FOXO1: variants seen among roughly 807,000 people sequenced by gnomAD.
FOXO1 encodes forkhead box protein O1.
A neutral mutation model predicts 44.1 loss-of-function variants in FOXO1; 6 were observed. The observed-to-expected ratio is 0.14, with a 90% confidence interval of 0.07 to 0.27. The LOEUF (loss-of-function observed/expected upper bound fraction) is 0.27, where lower values mean the gene tolerates loss of function less well. FOXO1 is among the 10% of genes least tolerant of loss of function. The pLI, the probability that FOXO1 is intolerant of heterozygous loss-of-function variation, is 1.00. For missense variants in FOXO1, 737 were observed against 888.8 expected (o/e 0.83, Z 2.17); for synonymous variants, 380 against 362.7 (o/e 1.05, Z -0.54).
At chr13:40,662,970 TTA>T (rs1354409358) in intron 1 of FOXO1, among the ~76,000 whole-genome samples, 1 of 152,244 alleles carries the variant, frequency 6.6e-6, no homozygotes, top group Non-Finnish European at 1.5e-5. Flanking sequence ...AAAAGACTAG[TTA>T]TGAGTTAGAA....
Position 40,665,585 on chromosome 13 carries a change from T to C in FOXO1, c.628A>G (p.Lys210Glu). The C allele has an allele frequency of 7.1e-7, 1 of 1,417,218 alleles. No individual in the cohort carries two copies. Among genetic ancestry groups the C allele is most frequent in the Non-Finnish European group, 9.4e-7 (1 of 1,067,838 alleles). The allele number at this position is 1,417,218 out of a possible 1,614,324, so 87.8% of individuals were successfully genotyped here. Reference sequence around the variant, plus strand: ...GGCCGCGCGCCGAGTCCACTCACCTTCCAGCCCGCCGAGCTGTTGCTGTCA... The same window carrying C: ...GGCCGCGCGCCGAGTCCACTCACCTCCCAGCCCGCCGAGCTGTTGCTGTCA... ...KGDSNSSAGW[K>E]NSIRHNLSLH... Residue 210 changes from lysine to glutamate, a missense_variant and splice_region_variant, in exon 1 of 3, where the codon AAG becomes GAG. Lys to Glu is a moderately conservative substitution (Grantham distance 56). This residue lies in a region of FOXO1 where 49 missense variants were observed against 50.2 expected (regional missense o/e 0.98). Transcript: ENST00000379561.
intron 1 of FOXO1, among the ~76,000 whole-genome samples, chr13:40,602,971 T>A (rs183015127): frequency 2.6e-4 from 40 of 152,256 alleles, no homozygotes; most frequent in Admixed American, 5.9e-4. Context: ...GAGTGATGGA[T>A]GGATGGGAAT....
intron 1 of FOXO1, among the ~76,000 whole-genome samples, chr13:40,583,544 TG>T: frequency 6.6e-6 from 1 of 152,364 alleles, no homozygotes; most frequent in East Asian, 1.9e-4. Context: ...GATAACTTGC[TG>T]CTCCTTCACT....
At chr13:40,559,459 C>T (rs562138604) in intron 2 of FOXO1, 50 bp downstream of exon 2, 40 of 1,502,770 alleles carry the variant, frequency 2.7e-5, no homozygotes, top group African/African-American at 2.7e-4. Flanking sequence ...GTGTTCCTCG[C>T]TTTTAAGTTC....
In FOXO1 at chr13:40,628,356, TACAC is replaced by T. The variant is rs34314244; in HGVS notation, c.630+37223_630+37226del. On this transcript the variant is annotated intron_variant, in intron 1 of 2. Coordinates refer to ENST00000379561, the MANE Select transcript of FOXO1 (RefSeq NM_002015.4). ...TCAGCTATTCCTCAAAAGAGCTGTT[TACAC>T]ACACACACACACACACACACACACA... is the stretch of plus-strand genomic sequence containing the variant. Among the ~76,000 whole-genome samples the T allele has an allele frequency of 8.3e-3, 1,204 of 145,272 alleles. 10 individuals are homozygous for T. Among genetic ancestry groups the T allele is most frequent in the African/African-American group, 0.023 (920 of 39,334 alleles).
intron 1 of FOXO1, chr13:40,611,115 TA>T (rs1382031331): frequency 6.7e-6 from 3 of 448,720 alleles, no homozygotes; most frequent in African/African-American, 2.0e-5. Flanking sequence ...ACATAGGCTG[TA>T]AAACTCATCG....
chr13:40,619,718 C>A (rs1156363398), intron 1 of FOXO1: 2 of 1,047,782 alleles, frequency 1.9e-6, no homozygotes, highest in Non-Finnish European at 3.0e-6. Context: ...AAAAATTCAG[C>A]TGAAGGATCT....
chr13:40,617,505 T>C (rs1259189982), intron 1 of FOXO1, among the ~76,000 whole-genome samples: 5 of 150,542 alleles, frequency 3.3e-5, no homozygotes, highest in African/African-American at 9.8e-5. Flanking sequence ...GGGTGGGAAA[T>C]CATATCAGAA....
chr13:40,652,517 C>T (rs1020716879), intron 1 of FOXO1, among the ~76,000 whole-genome samples: 1 of 152,128 alleles, frequency 6.6e-6, no homozygotes, highest in Non-Finnish European at 1.5e-5. Context: ...GGATTACAGG[C>T]GTGAGCCACC....
chr13:40,612,840 C>T (rs1161564178), intron 1 of FOXO1, among the ~76,000 whole-genome samples: 1 of 152,154 alleles, frequency 6.6e-6, no homozygotes, highest in Non-Finnish European at 1.5e-5. Flanking sequence ...TAGGGAAAAA[C>T]GTAGTATACA....
At chr13:40,635,800 C>T (rs1877125592) in intron 1 of FOXO1, among the ~76,000 whole-genome samples, 1 of 152,202 alleles carries the variant, frequency 6.6e-6, no homozygotes. Flanking sequence ...CCTGCCCTGC[C>T]CACTTCTGGG....
At chr13:40,607,574 G>A (rs1016506691) in intron 1 of FOXO1, among the ~76,000 whole-genome samples, 3 of 152,156 alleles carry the variant, frequency 2.0e-5, no homozygotes, top group African/African-American at 7.2e-5. Context: ...AAAGCCTATA[G>A]GGGAGATTCT....
intron 1 of FOXO1, among the ~76,000 whole-genome samples, chr13:40,635,599 A>C (rs1877120451): frequency 6.6e-6 from 1 of 152,258 alleles, no homozygotes; most frequent in Admixed American, 6.5e-5. Flanking sequence ...TATTTTCATT[A>C]CCACGAGTCT....
intron 1 of FOXO1, among the ~76,000 whole-genome samples, chr13:40,574,349 G>A (rs761063991): frequency 5.3e-5 from 8 of 152,164 alleles, no homozygotes; most frequent in Non-Finnish European, 7.4e-5. Flanking sequence ...ATTACTGCGC[G>A]TGTGAATCTG....
intron 1 of FOXO1, among the ~76,000 whole-genome samples, chr13:40,617,548 A>G (rs894436077): frequency 6.6e-6 from 1 of 152,174 alleles, no homozygotes; most frequent in Non-Finnish European, 1.5e-5. Context: ...ATACGTCCCC[A>G]GCATCTAGGA....
chr13:40,666,272 G>C lies in FOXO1; in HGVS notation c.-60C>G. The stretch of plus-strand genomic sequence containing the variant: ...CCAAGAGGGGGAGAACGCAGCACTG[G>C]GGGCGGACGGGGAGGGGGCGCGAAG... On this transcript the variant is annotated 5_prime_UTR_variant, in exon 1 of 3. Transcript: ENST00000379561. 1 of 1,300,446 alleles carries C rather than the reference G, an allele frequency of 7.7e-7. No homozygotes were observed. Among genetic ancestry groups the C allele is most frequent in the South Asian group, 1.9e-5 (1 of 51,382 alleles). 80.6% of individuals were successfully genotyped at this position (1,300,446 alleles called of 1,614,324 possible).
chr13:40,557,158 C>A lies in FOXO1; in HGVS notation c.*1891G>T, dbSNP rs1325264628. 1 of 152,156 alleles carries A rather than the reference C, an allele frequency of 6.6e-6. No homozygotes were observed. Among genetic ancestry groups the A allele is most frequent in the South Asian group, 2.1e-4 (1 of 4,832 alleles). 9.4% of individuals were successfully genotyped at this position (152,156 alleles called of 1,614,324 possible). ...AGCCAATGAAGATGCAATTAACATA[C>A]AAGACAAAGCAAGTGTGATGTGGGC... is the stretch of plus-strand genomic sequence containing the variant. On this transcript the variant is annotated 3_prime_UTR_variant, in exon 3 of 3. Coordinates refer to ENST00000379561, the MANE Select transcript of FOXO1 (RefSeq NM_002015.4).
chr13:40,574,458 A>G (rs2137841657), intron 1 of FOXO1, among the ~76,000 whole-genome samples: 1 of 152,358 alleles, frequency 6.6e-6, no homozygotes, highest in East Asian at 1.9e-4. Context: ...CAGATTATAC[A>G]TGTGAAGAAT....
At chr13:40,645,641 A>G (rs1310442061) in intron 1 of FOXO1, among the ~76,000 whole-genome samples, 1 of 152,260 alleles carries the variant, frequency 6.6e-6, no homozygotes, top group Non-Finnish European at 1.5e-5. Flanking sequence ...TTAAAGTTAG[A>G]GAAATTTATT....
Sources: allele counts gnomAD v4.1 joint callset (sites outside exome capture counted in the v4.1 genomes callset), GRCh38; gene constraint gnomAD v4.1.1; regional missense constraint gnomAD v4.1.1; transcripts MANE v1.5; gene names NCBI Gene and HGNC (gene_info 2026-07-23, HGNC 2026-07-21).